Variants in MINPP1 observed in about 807,000 individuals in gnomAD.
MINPP1 encodes multiple inositol-polyphosphate phosphatase 1.
MINPP1 carries 28 observed loss-of-function variants against 46.1 expected under a neutral mutation model. The ratio of observed to expected loss-of-function variants is 0.61; its 90% CI spans 0.45 to 0.83. The LOEUF (loss-of-function observed/expected upper bound fraction) is 0.83, where lower values mean the gene tolerates loss of function less well. MINPP1 is among the 40% of genes least tolerant of loss of function. The pLI, the probability that MINPP1 is intolerant of heterozygous loss-of-function variation, is 0.00. For missense variants in MINPP1, 603 were observed against 610.0 expected (o/e 0.99, Z 0.12); for synonymous variants, 268 against 249.1 (o/e 1.08, Z -0.72).
chr10:87,511,538 C>T (rs2131803342), intron 2 of MINPP1, among the ~76,000 whole-genome samples: 1 of 152,226 alleles, frequency 6.6e-6, no homozygotes, highest in Non-Finnish European at 1.5e-5. Flanking sequence ...TCAGAAGGGT[C>T]ATAACAGATA....
At chr10:87,522,426 C>T (rs1851515476) in intron 4 of MINPP1, among the ~76,000 whole-genome samples, 1 of 152,074 alleles carries the variant, frequency 6.6e-6, no homozygotes. Flanking sequence ...CATATGTAGG[C>T]ATGTCTCAAA....
Position 87,505,301 on chromosome 10 carries a change from C to T in MINPP1, c.386C>T (p.Ala129Val). 3 of 1,611,766 alleles carry T rather than the reference C, an allele frequency of 1.9e-6. No individual in the cohort carries two copies. The highest frequency in any genetic ancestry group is 1.1e-5 in the South Asian group (1 of 91,030). The change falls in exon 1 of 5, where the codon GCA becomes GTA. Residue 129 changes from alanine (A) to valine (V), a missense_variant. Transcript: ENST00000371996. The surrounding 1 kb of genome is among the most constrained non-coding windows in gnomAD (Gnocchi z 4.4). ...ASSTGSRDLG[A>V]ALADWPLWYA... Reference sequence around the variant, plus strand: ...AGTACCGGCAGCCGCGACCTGGGTGCAGCGCTGGCCGACTGGCCTTTGTGG... The same window carrying T: ...AGTACCGGCAGCCGCGACCTGGGTGTAGCGCTGGCCGACTGGCCTTTGTGG...
rs557376254 is a variant in MINPP1 at position 87,518,681 on chromosome 10, T to A, written c.934-2355T>A. Among the ~76,000 whole-genome samples the A allele has an allele frequency of 6.9e-4, 105 of 152,338 alleles. 1 individual carries two copies. The highest frequency in any genetic ancestry group is 1.2e-3 in the Admixed American group (18 of 15,306). ...CCCAAGTGCCCCATCGGTACTCTTC[T>A]GTTCAGCTGGCTTCAAGTTGGCGTT... On this transcript the variant is annotated intron_variant, in intron 3 of 4. Coordinates refer to ENST00000371996, the MANE Select transcript of MINPP1 (RefSeq NM_004897.5).
At chr10:87,533,771 A>G (rs1225697446) in intron 4 of MINPP1, among the ~76,000 whole-genome samples, 1 of 152,054 alleles carries the variant, frequency 6.6e-6, no homozygotes, top group African/African-American at 2.4e-5. Context: ...TCTATAAGGT[A>G]TGGCTTTTTA....
chr10:87,530,568 C>G (rs1851644126), intron 4 of MINPP1, among the ~76,000 whole-genome samples: 1 of 152,208 alleles, frequency 6.6e-6, no homozygotes, highest in African/African-American at 2.4e-5. Context: ...GATCCTTCCT[C>G]TGGAAGCTTC....
rs187321960 is a variant in MINPP1, at chr10:87,541,073, C to T, written c.1068-11009C>T. Among the ~76,000 whole-genome samples the T allele has an allele frequency of 5.1e-3, 782 of 152,310 alleles. 8 individuals are homozygous for T. Among genetic ancestry groups the T allele is most frequent in the African/African-American group, 0.018 (740 of 41,572 alleles). The stretch of plus-strand genomic sequence containing the variant: ...AGTCTCCATTTTTGGTGTCTGTATA[C>T]TTGCAATAGAAACATAATTTGTTTT... On this transcript the variant is annotated intron_variant, in intron 4 of 4. Coordinates refer to ENST00000371996, the MANE Select transcript of MINPP1 (RefSeq NM_004897.5).
At chr10:87,527,913 C>T (rs543441173) in intron 4 of MINPP1, among the ~76,000 whole-genome samples, 1 of 152,080 alleles carries the variant, frequency 6.6e-6, no homozygotes, top group South Asian at 2.1e-4. Context: ...CAGGGATTCA[C>T]CTTCTTCCTG....
chr10:87,550,523 C>T (rs781717288), intron 4 of MINPP1, among the ~76,000 whole-genome samples: 1 of 152,070 alleles, frequency 6.6e-6, no homozygotes, highest in Admixed American at 6.6e-5. Flanking sequence ...ATATTTCTAG[C>T]GTACTCTTAT....
rs1276165771 is a variant in MINPP1, at chr10:87,552,472, A to G, written c.1458A>G (p.Glu486=). The G allele has an allele frequency of 1.6e-5, 25 of 1,612,058 alleles. No individual in the cohort carries two copies. Among genetic ancestry groups the G allele is most frequent in the Non-Finnish European group, 2.1e-5 (25 of 1,179,518 alleles). ...ELARANSTSD[E]L is the part of the protein sequence containing the mutation. ...CAAGGGCTAACAGTACATCTGATGAACTATGAGTAACTGAAGAACATTTTT... is the reference window on the plus strand; with the variant it reads ...CAAGGGCTAACAGTACATCTGATGAGCTATGAGTAACTGAAGAACATTTTT... Residue 486 remains glutamate, a synonymous_variant, in exon 5 of 5, where the codon GAA becomes GAG. Transcript: ENST00000371996.
chr10:87,536,239 T>C (rs114711285), intron 4 of MINPP1, among the ~76,000 whole-genome samples: 1,621 of 152,282 alleles, frequency 0.011, 20 homozygotes, highest in Non-Finnish European at 0.016. Context: ...AGAACACTTA[T>C]AATAGCACTA....
rs139246622 is a variant in MINPP1, at chr10:87,543,317, A to G, written c.1068-8765A>G. Among the ~76,000 whole-genome samples the G allele has an allele frequency of 9.7e-3, 1,479 of 152,332 alleles. 24 individuals are homozygous for G. Among genetic ancestry groups the G allele is most frequent in the African/African-American group, 0.034 (1,395 of 41,562 alleles). Reference sequence around the variant, plus strand: ...TGGTAGAGAAAGAAAAAGTATTTTCAGGAGAAGAATCCTAGCAGGCTGTGG... The same window carrying G: ...TGGTAGAGAAAGAAAAAGTATTTTCGGGAGAAGAATCCTAGCAGGCTGTGG... On this transcript the variant is annotated intron_variant, in intron 4 of 4. Transcript: ENST00000371996.
chr10:87,510,530 A>G (rs1413324956), intron 2 of MINPP1, among the ~76,000 whole-genome samples: 1 of 152,180 alleles, frequency 6.6e-6, no homozygotes, highest in African/African-American at 2.4e-5. Flanking sequence ...CTTAGTTTTT[A>G]ACTCTTTCAG....
intron 2 of MINPP1, among the ~76,000 whole-genome samples, chr10:87,510,618 G>A (rs1274751922): frequency 6.6e-6 from 1 of 152,134 alleles, no homozygotes; most frequent in Non-Finnish European, 1.5e-5. Context: ...AGGTGAGGCC[G>A]AGTGCCGTGG....
intron 4 of MINPP1, 61 bp downstream of exon 4, chr10:87,521,230 T>G (rs1248764133): frequency 7.3e-7 from 1 of 1,368,950 alleles, no homozygotes; most frequent in African/African-American, 1.4e-5. Flanking sequence ...TCTGGAAATT[T>G]TTTTATAATG....
At chr10:87,534,814 T>C (rs1298672789) in intron 4 of MINPP1, among the ~76,000 whole-genome samples, 1 of 152,214 alleles carries the variant, frequency 6.6e-6, no homozygotes, top group African/African-American at 2.4e-5. Context: ...GCTAGTTGAA[T>C]CTGGATAACT....
intron 4 of MINPP1, among the ~76,000 whole-genome samples, chr10:87,531,906 C>T (rs192953721): frequency 1.6e-4 from 24 of 152,070 alleles, no homozygotes; most frequent in Admixed American, 9.8e-4. Context: ...TTTATGGTCA[C>T]GAACATTTTG....
chr10:87,534,892 A>G (rs971209744), intron 4 of MINPP1, among the ~76,000 whole-genome samples: 1 of 152,238 alleles, frequency 6.6e-6, no homozygotes, highest in Non-Finnish European at 1.5e-5. Flanking sequence ...TCATGGCTCC[A>G]TAACTAAAGG....
intron 4 of MINPP1, among the ~76,000 whole-genome samples, chr10:87,541,715 G>T (rs1299199393): frequency 6.6e-6 from 1 of 152,208 alleles, no homozygotes; most frequent in Admixed American, 6.5e-5. Context: ...TGGTGGAAGA[G>T]AAAGGGAGCC....
intron 4 of MINPP1, among the ~76,000 whole-genome samples, chr10:87,544,910 A>G (rs902762633): frequency 3.3e-5 from 5 of 152,160 alleles, no homozygotes; most frequent in African/African-American, 1.2e-4. Flanking sequence ...ATATTCTGAG[A>G]TGTTATGTAA....
Sources: allele counts gnomAD v4.1 joint callset (sites outside exome capture counted in the v4.1 genomes callset), GRCh38; gene constraint gnomAD v4.1.1; non-coding constraint Gnocchi (gnomAD v3.1); transcripts MANE v1.5; gene names NCBI Gene and HGNC (gene_info 2026-07-23, HGNC 2026-07-21).